Variants in CACNA2D3 observed in about 807,000 individuals in gnomAD.
The protein encoded by CACNA2D3 is voltage-dependent calcium channel subunit alpha-2/delta-3.
Under a neutral mutation model 160.6 loss-of-function variants are expected in CACNA2D3, and 60 were observed. The ratio of observed to expected loss-of-function variants is 0.37; its 90% confidence interval spans 0.30 to 0.46. The LOEUF (loss-of-function observed/expected upper bound fraction) is 0.46, where lower values mean the gene tolerates loss of function less well. CACNA2D3 is among the 20% of genes least tolerant of loss of function. CACNA2D3 has a pLI of 1.00. For synonymous variants in CACNA2D3, 558 were observed against 492.9 expected, an observed-to-expected ratio of 1.13 and a Z score of -1.75; for missense variants, 1,205 against 1,365.0, an observed-to-expected ratio of 0.88 and a Z score of 1.85.
At chr3:54,265,454 C>T (rs1702482438) in intron 2 of CACNA2D3, among the ~76,000 whole-genome samples, 1 of 151,750 alleles carries the variant, frequency 6.6e-6, no homozygotes, top group Non-Finnish European at 1.5e-5. Context: ...TTGATGGGTG[C>T]AGCAAACCAC....
intron 3 of CACNA2D3, among the ~76,000 whole-genome samples, chr3:54,345,882 T>C (rs549171273): frequency 6.6e-6 from 1 of 152,196 alleles, no homozygotes; most frequent in South Asian, 2.1e-4. Context: ...ATCAAAGTTT[T>C]GCAGGAAATC....
intron 2 of CACNA2D3, chr3:54,197,584 A>T (rs1701104442): frequency 6.6e-6 from 1 of 152,140 alleles, no homozygotes; most frequent in Admixed American, 6.6e-5. Flanking sequence ...AGCCGGGAGG[A>T]TGACTTGCAG....
Position 54,924,844 on chromosome 3 carries a change from G to A in CACNA2D3, c.2449+24976G>A, listed in dbSNP as rs199970308. The A allele has an allele frequency of 5.5e-5, 88 of 1,613,798 alleles. No individual in the cohort carries two copies. The highest frequency in any genetic ancestry group is 6.9e-5 in the Non-Finnish European group (81 of 1,179,854). On this transcript the variant is annotated intron_variant, in intron 27 of 37. Coordinates refer to ENST00000474759, the MANE Select transcript of CACNA2D3 (RefSeq NM_018398.3). Reference sequence around the variant, plus strand: ...CTTATGTTGTTTGATGACAAATCAAGCTCCCTCAGCTGAGGGAGGGAATGG... The same window carrying A: ...CTTATGTTGTTTGATGACAAATCAAACTCCCTCAGCTGAGGGAGGGAATGG...
intron 9 of CACNA2D3, among the ~76,000 whole-genome samples, chr3:54,621,131 A>G (rs1213502263): frequency 1.3e-5 from 2 of 152,222 alleles, no homozygotes; most frequent in Admixed American, 1.3e-4. Context: ...CCCAGCCAGG[A>G]CCACCAGCTC....
chr3:54,513,405 A>C (rs1022013860), intron 5 of CACNA2D3, among the ~76,000 whole-genome samples: 1 of 152,054 alleles, frequency 6.6e-6, no homozygotes, highest in Non-Finnish European at 1.5e-5. Flanking sequence ...TGTGGTGCTT[A>C]CTATGTTTCA....
chr3:54,274,323 CTTCT>C (rs1024038533), intron 2 of CACNA2D3, among the ~76,000 whole-genome samples: 5 of 151,860 alleles, frequency 3.3e-5, no homozygotes, highest in African/African-American at 1.2e-4. Flanking sequence ...GATTATTTTT[CTTCT>C]TTCTTTCTTT....
chr3:54,443,095 C>G (rs1700169349), intron 4 of CACNA2D3, among the ~76,000 whole-genome samples: 1 of 152,162 alleles, frequency 6.6e-6, no homozygotes, highest in African/African-American at 2.4e-5. Flanking sequence ...ACAGTAGGTG[C>G]TGAATAAAGT....
chr3:54,838,178 G>A (rs1698739471), intron 15 of CACNA2D3, among the ~76,000 whole-genome samples: 1 of 152,220 alleles, frequency 6.6e-6, no homozygotes, highest in African/African-American at 2.4e-5. Flanking sequence ...AATTGAGAAA[G>A]CAGTTAACAT....
intron 4 of CACNA2D3, among the ~76,000 whole-genome samples, chr3:54,490,035 A>C (rs1701083063): frequency 6.6e-6 from 1 of 152,244 alleles, no homozygotes; most frequent in African/African-American, 2.4e-5. Flanking sequence ...ACACACATGC[A>C]CCGGGAGCTG....
chr3:54,987,634 T>C, intron 30 of CACNA2D3, 49 bp from the exon 31 acceptor site: 2 of 1,216,022 alleles, frequency 1.6e-6, no homozygotes, highest in Non-Finnish European at 2.4e-6. Flanking sequence ...TCTCTCCTGT[T>C]TGGGCACATT....
At chr3:54,944,814 G>GGTGTGTGTGTGTGT (rs34193625) in intron 27 of CACNA2D3, among the ~76,000 whole-genome samples, 2 of 111,410 alleles carry the variant, frequency 1.8e-5, no homozygotes, top group South Asian at 5.6e-4. Flanking sequence ...TAGAGCTGGG[G>GGTGTGTGTGTGTGT]GTGTGTGTGT....
intron 11 of CACNA2D3, among the ~76,000 whole-genome samples, chr3:54,708,893 A>G (rs984927489): frequency 6.6e-6 from 1 of 151,078 alleles, no homozygotes; most frequent in East Asian, 1.9e-4. Flanking sequence ...TGAAAAGACA[A>G]TTTTTTTTTC....
At chr3:54,651,845 A>G (rs907428509) in intron 11 of CACNA2D3, among the ~76,000 whole-genome samples, 1 of 152,128 alleles carries the variant, frequency 6.6e-6, no homozygotes, top group Non-Finnish European at 1.5e-5. Context: ...TCTGTGGGGC[A>G]TGTGCCATTC....
intron 17 of CACNA2D3, among the ~76,000 whole-genome samples, chr3:54,861,687 C>T (rs1035522131): frequency 6.6e-6 from 1 of 152,228 alleles, no homozygotes; most frequent in Non-Finnish European, 1.5e-5. Context: ...TGACACTAAG[C>T]TGACGGCAAG....
chr3:54,970,230 C>G (rs1031635787), intron 29 of CACNA2D3, among the ~76,000 whole-genome samples: 1 of 152,094 alleles, frequency 6.6e-6, no homozygotes, highest in Non-Finnish European at 1.5e-5. Context: ...GTTGACCCAT[C>G]TTGCAGATAA....
chr3:54,773,764 C>T (rs566899549), intron 13 of CACNA2D3, among the ~76,000 whole-genome samples: 5 of 152,252 alleles, frequency 3.3e-5, no homozygotes, highest in African/African-American at 1.2e-4. Context: ...TTTTCCTCTT[C>T]CATTGATTCT....
Position 54,222,807 on chromosome 3 carries a change from C to T in CACNA2D3, c.205-97635C>T, listed in dbSNP as rs542670108. Reference sequence around the variant, plus strand: ...ATCAATAGTGACAACTTTTCTGAGTCTCTGTTTGTGTTTTTTATTTTAAGG... The same window carrying T: ...ATCAATAGTGACAACTTTTCTGAGTTTCTGTTTGTGTTTTTTATTTTAAGG... On this transcript the variant is annotated intron_variant, in intron 2 of 37. Transcript: ENST00000474759. Among the ~76,000 whole-genome samples the T allele has an allele frequency of 6.7e-4, 102 of 152,078 alleles. 1 individual carries two copies. The highest frequency in any genetic ancestry group is 9.0e-4 in the Non-Finnish European group (61 of 67,958).
intron 4 of CACNA2D3, among the ~76,000 whole-genome samples, chr3:54,423,250 G>A (rs1699865109): frequency 6.6e-6 from 1 of 152,122 alleles, no homozygotes; most frequent in South Asian, 2.1e-4. Context: ...ATTTGTGTAA[G>A]AAAATTATTT....
Position 55,074,140 on chromosome 3 carries a change from G to C in CACNA2D3, c.3210G>C (p.Ala1070=). The C allele has an allele frequency of 6.2e-7, 1 of 1,613,790 alleles. No homozygotes were observed. Among genetic ancestry groups the C allele is most frequent in the East Asian group, 2.2e-5 (1 of 44,852 alleles). Residue 1070 remains alanine (A), a synonymous_variant, in exon 38 of 38, where the codon GCG becomes GCC. Transcript: ENST00000474759. The part of the protein sequence containing the change: ...PEENARECGG[A]PSLQAQTVLL... Reference sequence around the variant, plus strand: ...AGAATGCAAGGGAGTGTGGGGGTGCGCCGAGTCTCCAAGCCCAGACAGTCC... The same window carrying C: ...AGAATGCAAGGGAGTGTGGGGGTGCCCCGAGTCTCCAAGCCCAGACAGTCC...
Sources: allele counts gnomAD v4.1 joint callset (sites outside exome capture counted in the v4.1 genomes callset), GRCh38; gene constraint gnomAD v4.1.1; transcripts MANE v1.5; gene names NCBI Gene and HGNC (gene_info 2026-07-23, HGNC 2026-07-21).